The following CPNE4 variants were observed in gnomAD, a reference collection of about 807,000 sequenced individuals.
CPNE4 encodes copine-4.
CPNE4 carries 25 observed loss-of-function variants against 67.9 expected under a neutral mutation model. The observed-to-expected ratio is 0.37, with a 90% confidence interval of 0.27 to 0.51. CPNE4 has a LOEUF of 0.51. CPNE4 is among the 20% of genes least tolerant of loss of function. CPNE4 has a pLI of 0.93. For missense variants in CPNE4, 464 were observed against 690.8 expected, an observed-to-expected ratio of 0.67 and a Z score of 3.68; for synonymous variants, 242 against 244.9, an observed-to-expected ratio of 0.99 and a Z score of 0.11.
intron 1 of CPNE4, among the ~76,000 whole-genome samples, chr3:131,954,440 G>C (rs2071874715): frequency 6.6e-6 from 1 of 152,114 alleles, no homozygotes; most frequent in African/African-American, 2.4e-5. Context: ...AATTCAGCCA[G>C]AGAGGAAAAA....
At position 131,717,878 on chromosome 3, in the gene CPNE4, C is replaced by CTTTTCTTTTCT. The variant is rs1354811766; in HGVS notation, c.360+5567_360+5568insAGAAAAGAAAA. Among the ~76,000 whole-genome samples, 4 of 26,172 alleles carry CTTTTCTTTTCT rather than the reference C, an allele frequency of 1.5e-4. No homozygotes were observed. The Admixed American group carries it at 1.6e-3, about 11-fold the overall frequency. The allele number at this position is 26,172 out of a possible 152,430, so 17.2% of individuals were successfully genotyped here. A position where few individuals can be genotyped will look rare whatever the true frequency, so the allele number is the denominator to read the frequency against. On this transcript the variant is annotated intron_variant, in intron 3 of 15. Transcript: ENST00000429747. ...GCTCCCTCCTTTCTTTCTTTCTTTT[C>CTTTTCTTTTCT]TTTCTTTCTTTCTTTCTTTCTTTCT... is the stretch of plus-strand genomic sequence containing the variant.
chr3:131,774,306 G>A (rs1349145360), intron 2 of CPNE4, among the ~76,000 whole-genome samples: 4 of 150,478 alleles, frequency 2.7e-5, no homozygotes, highest in Admixed American at 2.0e-4. Flanking sequence ...AGGGAATTCT[G>A]CAATATATTT....
chr3:131,690,035 C>T (rs1274981871), intron 5 of CPNE4, among the ~76,000 whole-genome samples: 4 of 152,074 alleles, frequency 2.6e-5, no homozygotes, highest in Admixed American at 2.6e-4. Context: ...TGAAAGAAAT[C>T]ATAGATGACA....
chr3:132,014,644 G>A (rs1056967965), intron 1 of CPNE4, among the ~76,000 whole-genome samples: 3 of 152,138 alleles, frequency 2.0e-5, no homozygotes, highest in Admixed American at 6.5e-5. Flanking sequence ...TTTGGGAGTA[G>A]AAAATGTAGT....
At chr3:131,872,970 A>T (rs1171054894) in intron 2 of CPNE4, among the ~76,000 whole-genome samples, 2 of 152,184 alleles carry the variant, frequency 1.3e-5, no homozygotes, top group Admixed American at 1.3e-4. Flanking sequence ...CCCACAGAAA[A>T]TGTGAGCAAT....
intron 1 of CPNE4, among the ~76,000 whole-genome samples, chr3:132,018,722 T>C (rs1326414650): frequency 6.6e-6 from 1 of 152,210 alleles, no homozygotes; most frequent in Admixed American, 6.5e-5. Context: ...AATGCTCTCA[T>C]ATCTGCCTAT....
intron 11 of CPNE4, among the ~76,000 whole-genome samples, chr3:131,562,162 T>C (rs928716196): frequency 1.3e-5 from 2 of 152,046 alleles, no homozygotes; most frequent in African/African-American, 4.8e-5. Context: ...ATCTGCATTT[T>C]TGAGGGAACA....
At chr3:131,952,852 TAGAA>T (rs1489061369) in intron 1 of CPNE4, among the ~76,000 whole-genome samples, 9 of 152,300 alleles carry the variant, frequency 5.9e-5, no homozygotes, top group African/African-American at 2.2e-4. Flanking sequence ...CCTGTCTGTG[TAGAA>T]AGAATTAGAC....
intron 2 of CPNE4, among the ~76,000 whole-genome samples, chr3:131,759,230 G>A (rs2082830491): frequency 6.6e-6 from 1 of 152,136 alleles, no homozygotes; most frequent in South Asian, 2.1e-4. Flanking sequence ...GGATCTAGGG[G>A]TAACCAGTTG....
At chr3:131,692,155 G>C (rs2081049569) in intron 5 of CPNE4, among the ~76,000 whole-genome samples, 1 of 152,138 alleles carries the variant, frequency 6.6e-6, no homozygotes, top group African/African-American at 2.4e-5. Context: ...TCATACCCAT[G>C]ACGGTGATCT....
intron 2 of CPNE4, among the ~76,000 whole-genome samples, chr3:131,806,665 AAAATTTTATTT>A (rs1475733124): frequency 6.6e-6 from 1 of 151,608 alleles, no homozygotes; most frequent in Non-Finnish European, 1.5e-5. Context: ...GGAAAAAGTG[AAAATTTTATTT>A]AAAAATATCT....
intron 2 of CPNE4, among the ~76,000 whole-genome samples, chr3:131,855,768 C>G (rs148521908): frequency 0.031 from 4,783 of 151,886 alleles, 248 homozygotes; most frequent in African/African-American, 0.11. Flanking sequence ...TTGTTTGGGT[C>G]TCTGCTTATA....
At chr3:131,720,754 T>C (rs538653115) in intron 3 of CPNE4, among the ~76,000 whole-genome samples, 2 of 152,310 alleles carry the variant, frequency 1.3e-5, no homozygotes, top group African/African-American at 4.8e-5. Context: ...TTGACCACTT[T>C]CCCTTGTAGG....
chr3:131,697,535 T>C (rs899351895), intron 4 of CPNE4, among the ~76,000 whole-genome samples: 1 of 152,206 alleles, frequency 6.6e-6, no homozygotes, highest in African/African-American at 2.4e-5. Flanking sequence ...ATATTCCAAA[T>C]ATTTTGGAAA....
intron 2 of CPNE4, among the ~76,000 whole-genome samples, chr3:131,859,035 T>C (rs2086567981): frequency 6.6e-6 from 1 of 152,150 alleles, no homozygotes; most frequent in African/African-American, 2.4e-5. Context: ...AGTGGAGCTG[T>C]GGGAATGATA....
At chr3:131,562,773 G>T (rs1439439715) in intron 11 of CPNE4, among the ~76,000 whole-genome samples, 3 of 152,018 alleles carry the variant, frequency 2.0e-5, no homozygotes, top group Non-Finnish European at 4.4e-5. Flanking sequence ...CTCACCCACT[G>T]CCTGCATTGG....
chr3:131,582,582 TC>T (rs1937907700), intron 8 of CPNE4, among the ~76,000 whole-genome samples: 1 of 152,198 alleles, frequency 6.6e-6, no homozygotes, highest in Non-Finnish European at 1.5e-5. Context: ...CATAATCTAT[TC>T]CTCTCAGTGT....
At chr3:131,969,388 G>T (rs2072444212) in intron 1 of CPNE4, among the ~76,000 whole-genome samples, 1 of 151,810 alleles carries the variant, frequency 6.6e-6, no homozygotes, top group South Asian at 2.1e-4. Context: ...AAAAGTAATG[G>T]CAAAAACTAC....
chr3:132,003,972 T>G (rs992102689), intron 1 of CPNE4, among the ~76,000 whole-genome samples: 6 of 152,032 alleles, frequency 3.9e-5, no homozygotes, highest in Non-Finnish European at 7.4e-5. Flanking sequence ...GGGAGAGCAA[T>G]GCAGGGGCTG....
Sources: gnomAD v4.1 joint callset for allele counts (sites outside exome capture counted in the v4.1 genomes callset) on GRCh38, gnomAD v4.1.1 for gene constraint, MANE v1.5 for transcripts, NCBI Gene and HGNC (gene_info 2026-07-23, HGNC 2026-07-21) for gene names.